Variants in NME7 observed in about 807,000 individuals in gnomAD.
The protein encoded by NME7 is nucleoside diphosphate kinase 7.
A neutral mutation model predicts 49.1 loss-of-function variants in NME7; 41 were observed. The observed-to-expected ratio is 0.83, with a 90% CI of 0.65 to 1.08. The LOEUF (loss-of-function observed/expected upper bound fraction) is 1.08. Ranked by LOEUF, NME7 falls within the 50% of genes least tolerant of loss-of-function variation. The probability of loss-of-function intolerance (pLI) is 0.00; values close to 1 mark genes in which losing one functional copy is unlikely to be tolerated. For synonymous variants in NME7, 139 were observed against 150.6 expected (o/e 0.92, Z 0.56); for missense variants, 423 against 463.4 (o/e 0.91, Z 0.80).
Position 169,355,205 on chromosome 1 carries a change from A to ATATAT in NME7, c.3+12498_3+12502dup, listed in dbSNP as rs561274201. ...CTATATATTATAGATATAATATATA[A>ATATAT]TATATATTATATATTATAGATATAA... On this transcript the variant is annotated intron_variant, in intron 1 of 11. Coordinates refer to ENST00000367811, the MANE Select transcript of NME7 (RefSeq NM_013330.5). Among the ~76,000 whole-genome samples the ATATAT allele has an allele frequency of 1.0e-3, 18 of 17,216 alleles. 5 individuals carry two copies. Among genetic ancestry groups the ATATAT allele is most frequent in the Admixed American group, 8.0e-3 (6 of 748 alleles). 11.3% of individuals were successfully genotyped at this position (17,216 alleles called of 152,430 possible).
chr1:169,256,767 A>G (rs1648957994), intron 7 of NME7, among the ~76,000 whole-genome samples: 1 of 127,256 alleles, frequency 7.9e-6, no homozygotes, highest in Non-Finnish European at 1.8e-5. Flanking sequence ...TCTGTTTGTT[A>G]GTTTTCCTTC....
chr1:169,361,347 A>G (rs16862093), intron 1 of NME7, among the ~76,000 whole-genome samples: 20,162 of 152,276 alleles, frequency 0.13, 2,767 homozygotes, highest in East Asian at 0.79. Context: ...AGGAAAATAA[A>G]CTTTTAAGAG....
intron 10 of NME7, among the ~76,000 whole-genome samples, chr1:169,181,323 A>T (rs1659922290): frequency 6.6e-6 from 1 of 151,846 alleles, no homozygotes; most frequent in Non-Finnish European, 1.5e-5. Context: ...CAGAAAAAAA[A>T]ATTAAGACTG....
chr1:169,160,890 T>C (rs182206137), intron 11 of NME7, among the ~76,000 whole-genome samples: 1 of 152,316 alleles, frequency 6.6e-6, no homozygotes, highest in East Asian at 1.9e-4. Context: ...AAATGTCTTT[T>C]GAAGCTCACT....
intron 11 of NME7, among the ~76,000 whole-genome samples, chr1:169,147,736 C>T (rs1447495450): frequency 1.3e-5 from 2 of 152,140 alleles, no homozygotes; most frequent in Non-Finnish European, 2.9e-5. Flanking sequence ...AGCATTTGCC[C>T]AATATGAGAT....
At chr1:169,233,166 T>C in intron 9 of NME7, among the ~76,000 whole-genome samples, 1 of 152,126 alleles carries the variant, frequency 6.6e-6, no homozygotes, top group Admixed American at 6.5e-5. Context: ...TATATAGATG[T>C]AAAATGTATG....
rs1242797918 is a variant in NME7 at position 169,274,250 on chromosome 1, T to A, written c.754+13053A>T. On this transcript the variant is annotated intron_variant, in intron 7 of 11. Transcript: ENST00000367811. ...AGCATTTTTTCATGTGTCTTTTGGC[T>A]GCATAAATGTCTTCTTTTGAGAAGT... is the stretch of plus-strand genomic sequence containing the variant. Among the ~76,000 whole-genome samples the A allele has an allele frequency of 1.3e-4, 18 of 134,462 alleles. 5 individuals are homozygous for A. Among genetic ancestry groups the A allele is most frequent in the Middle Eastern group, 7.6e-3 (2 of 262 alleles). The allele number at this position is 134,462 out of a possible 152,430, so 88.2% of individuals were successfully genotyped here. A position where few individuals can be genotyped will look rare whatever the true frequency, so the allele number is the denominator to read the frequency against.
chr1:169,250,583 TTTCA>T (rs1648521879), intron 7 of NME7, among the ~76,000 whole-genome samples: 1 of 152,096 alleles, frequency 6.6e-6, no homozygotes, highest in African/African-American at 2.4e-5. Flanking sequence ...ATTTATCATC[TTTCA>T]GATTTTTTAA....
intron 11 of NME7, among the ~76,000 whole-genome samples, chr1:169,144,746 A>G (rs1454853823): frequency 6.6e-6 from 1 of 152,182 alleles, no homozygotes; most frequent in African/African-American, 2.4e-5. Flanking sequence ...TGTGAGAAGA[A>G]GCCAGGCACT....
chr1:169,282,375 T>C (rs1427274567), intron 7 of NME7, among the ~76,000 whole-genome samples: 2 of 152,192 alleles, frequency 1.3e-5, no homozygotes, highest in Non-Finnish European at 2.9e-5. Flanking sequence ...GTCTATCTAT[T>C]TTGATGATTT....
At chr1:169,294,827 G>A (rs981725832) in intron 6 of NME7, among the ~76,000 whole-genome samples, 6 of 152,276 alleles carry the variant, frequency 3.9e-5, no homozygotes, top group African/African-American at 1.4e-4. Flanking sequence ...AATGGCAATG[G>A]TAGCTGCTCT....
intron 1 of NME7, among the ~76,000 whole-genome samples, chr1:169,350,984 CT>C (rs966393094): frequency 2.0e-5 from 3 of 151,634 alleles, no homozygotes; most frequent in Non-Finnish European, 2.9e-5. Context: ...TTTTTTCTTT[CT>C]TTTTTTTCTT....
intron 7 of NME7, among the ~76,000 whole-genome samples, chr1:169,244,015 A>T (rs1648201575): frequency 7.5e-6 from 1 of 133,952 alleles, no homozygotes. Flanking sequence ...TGGCATATGT[A>T]TGTACCTCAA....
At position 169,309,951 on chromosome 1, in the gene NME7, A is replaced by C. The variant is rs1265300312; in HGVS notation, c.389+19T>G. On this transcript the variant is annotated intron_variant, in intron 4 of 11. Coordinates refer to ENST00000367811, the MANE Select transcript of NME7 (RefSeq NM_013330.5). ...AAAGGAATCAGACATTACATAACTG[A>C]AAATGATAAAAAAATTACCTTGAAA... The C allele has an allele frequency of 3.7e-6, 5 of 1,361,536 alleles. No homozygotes were observed. In the East Asian group the frequency reaches 1.2e-4, roughly 31 times the overall value. The allele number at this position is 1,361,536 out of a possible 1,614,324, so 84.3% of individuals were successfully genotyped here.
chr1:169,208,699 AGT>A (rs1660739230), intron 10 of NME7, among the ~76,000 whole-genome samples: 1 of 152,140 alleles, frequency 6.6e-6, no homozygotes, highest in African/African-American at 2.4e-5. Flanking sequence ...TGTAGTAATA[AGT>A]GTAACATCTC....
chr1:169,279,348 G>A (rs1290551850), intron 7 of NME7, among the ~76,000 whole-genome samples: 6 of 152,310 alleles, frequency 3.9e-5, no homozygotes, highest in South Asian at 2.1e-4. Flanking sequence ...CACCCAGTTC[G>A]AGCTTCCAGG....
intron 11 of NME7, 151 bp from the exon 12 acceptor site, chr1:169,132,968 C>G (rs959756699): frequency 1.5e-5 from 8 of 549,510 alleles, no homozygotes; most frequent in African/African-American, 1.2e-4. Flanking sequence ...GGCAGAGAAT[C>G]GATGAAGCTC....
chr1:169,140,769 A>G (rs1194745392), intron 11 of NME7, among the ~76,000 whole-genome samples: 1 of 152,088 alleles, frequency 6.6e-6, no homozygotes, highest in Non-Finnish European at 1.5e-5. Flanking sequence ...AATTGTAGAT[A>G]TAAAGACCAG....
At chr1:169,258,425 TACACACACAC>T (rs1558011641) in intron 7 of NME7, among the ~76,000 whole-genome samples, 3 of 88,246 alleles carry the variant, frequency 3.4e-5, no homozygotes, top group African/African-American at 1.2e-4. Context: ...CACACACACA[TACACACACAC>T]ATATATCTTC....
Sources: gnomAD v4.1 joint callset for allele counts (sites outside exome capture counted in the v4.1 genomes callset) on GRCh38, gnomAD v4.1.1 for gene constraint, MANE v1.5 for transcripts, NCBI Gene and HGNC (gene_info 2026-07-23, HGNC 2026-07-21) for gene names.